The following PRKCZ variants were observed in gnomAD, a reference collection of about 807,000 sequenced individuals.
PRKCZ encodes protein kinase C zeta type.
A neutral mutation model predicts 79.5 loss-of-function variants in PRKCZ; 33 were observed. The ratio of observed to expected loss-of-function variants is 0.41; its 90% CI spans 0.31 to 0.55. The LOEUF is 0.55. PRKCZ is among the 20% of genes least tolerant of loss of function. PRKCZ has a pLI of 0.19. For synonymous variants in PRKCZ, 342 were observed against 320.9 expected (o/e 1.07, Z -0.70); for missense variants, 578 against 813.5 (o/e 0.71, Z 3.52).
chr1:2,144,245 G>A lies in PRKCZ; in HGVS notation c.456G>A (p.Trp152Ter), dbSNP rs1362706971. The change falls in exon 6 of 18, where the codon TGG (tryptophan) becomes TGA (stop). Residue 152 changes from tryptophan (W) to a stop codon, truncating the protein, a stop_gained. Transcript: ENST00000378567. LOFTEE classifies it high-confidence loss of function. ...GCGGTCAGTGCAGCGAGAGGATATG[G>A]GGCCTCGCGAGGCAAGGCTACAGGT... ...AYCGQCSERI[W>*]GLARQGYRCI... is the part of the protein sequence containing the mutation. The A allele has an allele frequency of 6.4e-7, 1 of 1,554,260 alleles. No homozygotes were observed. The highest frequency in any genetic ancestry group is 2.0e-5 in the Admixed American group (1 of 51,106).
intron 16 of PRKCZ, among the ~76,000 whole-genome samples, chr1:2,180,429 C>G (rs1038940349): frequency 6.6e-6 from 1 of 152,030 alleles, no homozygotes; most frequent in African/African-American, 2.4e-5. Flanking sequence ...CGTAGACACA[C>G]GGATGACTCA....
Position 2,168,442 on chromosome 1 carries a change from C to T in PRKCZ, c.975-1076C>T, listed in dbSNP as rs1469146248. 6.6e-6 allele frequency among the ~76,000 whole-genome samples: 1 copy of T among 152,152 alleles called. No individual in the cohort carries two copies. The highest frequency in any genetic ancestry group is 2.4e-5 in the African/African-American group (1 of 41,428). ...GGCACGGCTTATTCTTCAGGGTGCC[C>T]GACTGGCCACGTGGACGTCTCTCCA... On this transcript the variant is annotated intron_variant, in intron 10 of 17. Coordinates refer to ENST00000378567, the MANE Select transcript of PRKCZ (RefSeq NM_002744.6). The surrounding 1 kb of genome is among the most constrained non-coding windows in gnomAD (Gnocchi z 4.7).
At chr1:2,063,688 C>T (rs1026557920) in intron 4 of PRKCZ, among the ~76,000 whole-genome samples, 3 of 152,304 alleles carry the variant, frequency 2.0e-5, no homozygotes, top group East Asian at 3.9e-4. Flanking sequence ...CAATAGTGCA[C>T]GAGCGCCACT....
At chr1:2,106,785 A>G (rs12080376) in intron 4 of PRKCZ, among the ~76,000 whole-genome samples, 8 of 121,850 alleles carry the variant, frequency 6.6e-5, no homozygotes, top group African/African-American at 2.8e-4. Context: ...CACACGTGTC[A>G]CCAGGCCAGG....
chr1:2,120,366 C>G (rs1671653780), intron 4 of PRKCZ, among the ~76,000 whole-genome samples: 1 of 119,002 alleles, frequency 8.4e-6, no homozygotes, highest in Non-Finnish European at 1.6e-5. Context: ...ATGGCGCGAT[C>G]TCGACTCACT....
chr1:2,132,769 G>A (rs1675253464), intron 4 of PRKCZ, among the ~76,000 whole-genome samples: 1 of 152,228 alleles, frequency 6.6e-6, no homozygotes, highest in South Asian at 2.1e-4. Context: ...TTGCCGCTTT[G>A]CTGTCCACGT....
chr1:2,174,305 C>T lies in PRKCZ; in HGVS notation c.1405+289C>T, dbSNP rs1175968020. On this transcript the variant is annotated intron_variant, in intron 14 of 17. Transcript: ENST00000378567. The surrounding 1 kb of genome is among the most constrained non-coding windows in gnomAD (Gnocchi z 6.2). Reference sequence around the variant, plus strand: ...GCTGGAGCCCCAGCATGTCCTTGACCGAGGCTGTACCGAGCTGAAAGCACA... The same window carrying T: ...GCTGGAGCCCCAGCATGTCCTTGACTGAGGCTGTACCGAGCTGAAAGCACA... Among the ~76,000 whole-genome samples the T allele has an allele frequency of 2.6e-5, 4 of 152,192 alleles. No homozygotes were observed. The highest frequency in any genetic ancestry group is 2.6e-4 in the Admixed American group (4 of 15,276).
At chr1:2,067,012 T>C (rs1661175953) in intron 4 of PRKCZ, among the ~76,000 whole-genome samples, 2 of 152,258 alleles carry the variant, frequency 1.3e-5, no homozygotes, top group African/African-American at 4.8e-5. Context: ...CTGATTTTCT[T>C]TGTGGTTTCA....
chr1:2,156,299 A>G (rs1681033724), intron 10 of PRKCZ: 1 of 491,490 alleles, frequency 2.0e-6, no homozygotes, highest in Non-Finnish European at 3.7e-6. Context: ...ATTTAATTCC[A>G]TTTACGAAAT....
At chr1:2,078,795 G>A (rs551856599) in intron 4 of PRKCZ, among the ~76,000 whole-genome samples, 2 of 151,118 alleles carry the variant, frequency 1.3e-5, no homozygotes, top group African/African-American at 4.9e-5. Flanking sequence ...TTGTTAGTTT[G>A]TTGCCTTGTT....
intron 4 of PRKCZ, among the ~76,000 whole-genome samples, chr1:2,096,708 C>T (rs943656629): frequency 2.6e-5 from 4 of 152,074 alleles, no homozygotes; most frequent in African/African-American, 9.7e-5. Context: ...CTGAGCGGTC[C>T]GAATCAGGGT....
chr1:2,106,073 T>C (rs961812697), intron 4 of PRKCZ, among the ~76,000 whole-genome samples: 5 of 152,216 alleles, frequency 3.3e-5, no homozygotes, highest in Non-Finnish European at 4.4e-5. Context: ...CTCAGGATTG[T>C]TGGGAGATGA....
intron 9 of PRKCZ, among the ~76,000 whole-genome samples, chr1:2,153,906 A>G (rs1017777903): frequency 6.6e-6 from 1 of 151,950 alleles, no homozygotes; most frequent in African/African-American, 2.4e-5. Context: ...AAAAGACTGC[A>G]CTCTCTGGGG....
At chr1:2,073,826 C>T (rs886224680) in intron 4 of PRKCZ, 34 of 1,037,656 alleles carry the variant, frequency 3.3e-5, no homozygotes, top group African/African-American at 5.1e-5. Flanking sequence ...GGAGGCGAGC[C>T]GACGCAGCAT....
intron 5 of PRKCZ, chr1:2,142,527 G>A: frequency 6.7e-6 from 2 of 297,034 alleles, no homozygotes; most frequent in Non-Finnish European, 1.3e-5. Flanking sequence ...CCCAATGCCG[G>A]CATTAAGCTA....
At position 2,124,291 on chromosome 1, in the gene PRKCZ, C is replaced by G. The variant is rs61776562; in HGVS notation, c.335-10971C>G. On this transcript the variant is annotated intron_variant, in intron 4 of 17. Transcript: ENST00000378567. ...TAGTTAGGGTCACGGCTGTAGTTAG[C>G]GTCACGGTGGTAGTTAGGGTCACGG... Among the ~76,000 whole-genome samples the G allele has an allele frequency of 6.4e-3, 22 of 3,428 alleles. 4 individuals carry two copies. The highest frequency in any genetic ancestry group is 0.062 in the Middle Eastern group (1 of 16). The allele number at this position is 3,428 out of a possible 152,430, so 2.2% of individuals were successfully genotyped here. A position where few individuals can be genotyped will look rare whatever the true frequency, so the allele number is the denominator to read the frequency against.
chr1:2,171,945 G>C, intron 11 of PRKCZ, 110 bp from the exon 12 acceptor site: 1 of 1,331,734 alleles, frequency 7.5e-7, no homozygotes, highest in Non-Finnish European at 1.0e-6. Context: ...GTCATTGAGA[G>C]GATGCCGGGC....
chr1:2,093,250 T>G (rs1274867886), intron 4 of PRKCZ, among the ~76,000 whole-genome samples: 4 of 152,006 alleles, frequency 2.6e-5, no homozygotes, highest in Non-Finnish European at 4.4e-5. Context: ...TGTGGTCAGG[T>G]GTGGAGTGTG....
At chr1:2,056,038 G>A (rs150052530) in intron 2 of PRKCZ, among the ~76,000 whole-genome samples, 215 of 152,358 alleles carry the variant, frequency 1.4e-3, no homozygotes, top group African/African-American at 4.7e-3. Flanking sequence ...AGGGACTGGC[G>A]GGCAGCTCTT....
Sources: allele counts gnomAD v4.1 joint callset (sites outside exome capture counted in the v4.1 genomes callset), GRCh38; gene constraint gnomAD v4.1.1; non-coding constraint Gnocchi (gnomAD v3.1); transcripts MANE v1.5; gene names NCBI Gene and HGNC (gene_info 2026-07-23, HGNC 2026-07-21).